Variants in FAT2 observed in about 807,000 individuals in gnomAD.
The protein encoded by FAT2 is protocadherin Fat 2.
FAT2 carries 150 observed loss-of-function variants against 295.3 expected under a neutral mutation model. That is an observed-to-expected ratio of 0.51 (90% CI 0.44 to 0.58). FAT2 has a LOEUF of 0.58. FAT2 is among the 20% of genes least tolerant of loss of function. FAT2 has a pLI of 0.00. For missense variants in FAT2, 4,868 were observed against 5,442.7 expected (o/e 0.89, Z 3.32); for synonymous variants, 2,026 against 2,150.3 (o/e 0.94, Z 1.60).
intron 19 of FAT2, 21 bp downstream of exon 19, chr5:151,521,255 T>C: frequency 6.3e-7 from 1 of 1,578,660 alleles, no homozygotes; most frequent in Non-Finnish European, 8.6e-7. Flanking sequence ...TGCTCGTCCC[T>C]AGGGAAGATG....
chr5:151,517,544 C>T, intron 20 of FAT2, 76 bp downstream of exon 20: 2 of 1,564,830 alleles, frequency 1.3e-6, no homozygotes, highest in Non-Finnish European at 8.7e-7. Context: ...GGCTTCCTGA[C>T]ATTCCTCATG....
chr5:151,520,021 T>C (rs1228717760), intron 19 of FAT2, among the ~76,000 whole-genome samples: 1 of 152,240 alleles, frequency 6.6e-6, no homozygotes, highest in African/African-American at 2.4e-5. Flanking sequence ...CCCTTCAGCC[T>C]TCTTGGCTTT....
chr5:151,539,076 C>G (rs930721356), intron 11 of FAT2, among the ~76,000 whole-genome samples: 1 of 152,024 alleles, frequency 6.6e-6, no homozygotes, highest in African/African-American at 2.4e-5. Context: ...CTCAGCCTCT[C>G]CAAGCATGGG....
In FAT2 at chr5:151,512,110, C is replaced by G; in HGVS notation, c.11905+55G>C. On this transcript the variant is annotated intron_variant, in intron 21 of 23. Coordinates refer to ENST00000261800, the MANE Select transcript of FAT2 (RefSeq NM_001447.3). This position sits in a 1 kb window ranked among gnomAD's most constrained non-coding sequence, Gnocchi z 4.1. ...TCTCCACCCTGACATGCTTTTCCCACCTGAAGAGCCTTCTGGGATAAACCC... is the reference window on the plus strand; with the variant it reads ...TCTCCACCCTGACATGCTTTTCCCAGCTGAAGAGCCTTCTGGGATAAACCC... The G allele has an allele frequency of 2.6e-6, 4 of 1,542,516 alleles. No individual in the cohort carries two copies. Among genetic ancestry groups the G allele is most frequent in the Non-Finnish European group, 3.5e-6 (4 of 1,132,696 alleles).
chr5:151,534,717 C>T, intron 12 of FAT2, 75 bp from the exon 13 acceptor site: 1 of 1,304,470 alleles, frequency 7.7e-7, no homozygotes, highest in Non-Finnish European at 1.1e-6. Flanking sequence ...TATATATCTA[C>T]AGGAGACAAA....
chr5:151,527,299 G>A lies in FAT2; in HGVS notation c.10243C>T (p.Gln3415Ter). 4 of 1,613,592 alleles carry A rather than the reference G, an allele frequency of 2.5e-6. No homozygotes were observed. The highest frequency in any genetic ancestry group is 3.4e-6 in the Non-Finnish European group (4 of 1,179,744). The change falls in exon 17 of 24, where the codon CAA (glutamine) becomes TAA (stop). Residue 3415 changes from glutamine to a stop codon, truncating the protein, a stop_gained. Transcript: ENST00000261800. LOFTEE classifies it high-confidence loss of function. ...PLHEDTDIAI[Q>*]VADVNDNPPR... ...GGGTTATCATTGACATCAGCCACTT[G>A]GATAGCGATGTCTGTGTCCTCATGC... is the stretch of plus-strand genomic sequence containing the variant.
rs1397654420 is a variant in FAT2, at chr5:151,531,664, C to G, written c.9734G>C (p.Arg3245Pro). Residue 3245 changes from arginine (R) to proline (P), a missense_variant, in exon 14 of 24, where the codon CGC becomes CCC. Physicochemically the swap from Arg to Pro is moderately radical, Grantham distance 103. Coordinates refer to ENST00000261800, the MANE Select transcript of FAT2 (RefSeq NM_001447.3). The surrounding 1 kb of genome is among the most constrained non-coding windows in gnomAD (Gnocchi z 5.7). ...GTAGCCGGTCTTCTCTGCGCCCGGG[C>G]GAGTGAGGGTGGCCAGCTGCAGCAC... The part of the protein sequence containing the change: ...TEVLQLATLT[R>P]PGAEKTGYRV... 2 of 1,613,610 alleles carry G rather than the reference C, an allele frequency of 1.2e-6. No homozygotes were observed. The highest frequency in any genetic ancestry group is 4.5e-5 in the East Asian group (2 of 44,874).
Position 151,517,753 on chromosome 5 carries a change from C to T in FAT2, c.11330G>A (p.Arg3777Lys), listed in dbSNP as rs994473013. Residue 3777 changes from arginine to lysine, a missense_variant, in exon 20 of 24, where the codon AGG (arginine) becomes AAG (lysine). Transcript: ENST00000261800. ...CCGCACATAGCTCTGACCACTGAAC[C>T]TTGTAGCAGTACCTGAGAAAGCAAC... ...RSCSCNGTAT[R>K]FSGQSYVRYR... is the part of the protein sequence containing the mutation. 1.3e-5 allele frequency: 21 copies of T among 1,614,054 alleles called. No individual in the cohort carries two copies. The highest frequency in any genetic ancestry group is 1.6e-4 in the Middle Eastern group (1 of 6,084).
At chr5:151,581,700 G>T (rs1758961510) in intron 1 of FAT2, among the ~76,000 whole-genome samples, 1 of 152,192 alleles carries the variant, frequency 6.6e-6, no homozygotes, top group Non-Finnish European at 1.5e-5. Context: ...TAACTCCTGA[G>T]ATCACACAGC....
intron 1 of FAT2, among the ~76,000 whole-genome samples, 44 bp downstream of exon 1, chr5:151,591,121 T>C (rs1216134656): frequency 6.6e-6 from 1 of 152,238 alleles, no homozygotes; most frequent in Non-Finnish European, 1.5e-5. Flanking sequence ...GGATTAACTT[T>C]GCTGCCCCCC....
At position 151,567,426 on chromosome 5, in the gene FAT2, A is replaced by C; in HGVS notation, c.1506T>G (p.Ala502=). 6.2e-7 allele frequency: 1 copy of C among 1,614,214 alleles called. No homozygotes were observed. Among genetic ancestry groups the C allele is most frequent in the South Asian group, 1.1e-5 (1 of 91,074 alleles). ...GGTAGGGGTCAATAGAAAATGGCAA[A>C]GCTTTTGGTCCAGCAATGGAATAGG... ...YVTYSIAGPK[A]LPFSIDPYLG... is the part of the protein sequence containing the mutation. Residue 502 remains alanine, a synonymous_variant, in exon 2 of 24, where the codon GCT becomes GCG. Transcript: ENST00000261800.
At chr5:151,536,667 C>CA (rs1418493820) in intron 12 of FAT2, among the ~76,000 whole-genome samples, 2 of 152,220 alleles carry the variant, frequency 1.3e-5, no homozygotes, top group Admixed American at 1.3e-4. Flanking sequence ...TGGCTAGTAA[C>CA]AATGATAATG....
Position 151,545,665 on chromosome 5 carries a change from G to A in FAT2, c.5462C>T (p.Thr1821Ile), listed in dbSNP as rs771319989. The A allele has an allele frequency of 3.7e-6, 6 of 1,614,182 alleles. No homozygotes were observed. Among genetic ancestry groups the A allele is most frequent in the Non-Finnish European group, 4.2e-6 (5 of 1,180,044 alleles). The change falls in exon 10 of 24, where the codon ACC becomes ATC. Residue 1821 changes from threonine to isoleucine, a missense_variant. Physicochemically the swap from Thr to Ile is moderately conservative, Grantham distance 89 (BLOSUM62 -1). Around this residue, in one of 5 missense-constraint regions of FAT2, gnomAD observed 3,297 missense variants for 3,669.4 expected, o/e 0.90. Transcript: ENST00000261800. ...ATCCATCTCTGATACAATGGTTAGG[G>A]TTCCCATGCTGGGATCAATTTTGAA... ...KFFKIDPSMG[T>I]LTIVSEMDYE...
chr5:151,528,570 G>A (rs1228517425), intron 15 of FAT2, among the ~76,000 whole-genome samples: 3 of 152,160 alleles, frequency 2.0e-5, no homozygotes, highest in East Asian at 3.9e-4. Context: ...GGCAATCCAG[G>A]AGAGGAAATA....
chr5:151,543,885 C>T lies in FAT2; in HGVS notation c.7242G>A (p.Leu2414=), dbSNP rs1332182048. The change falls in exon 10 of 24, where the codon CTG becomes CTA. Residue 2414 remains leucine, a synonymous_variant. Transcript: ENST00000261800. ...GATTGCCAGAAAGAATCAGGTACTC[C>T]AGGCGGGAGGTGTCTCTGCTGTCAG... The part of the protein sequence containing the change: ...IDPDSRDTSR[L]EYLILSGNQD... 1 of 1,614,038 alleles carries T rather than the reference C, an allele frequency of 6.2e-7. No homozygotes were observed. The highest frequency in any genetic ancestry group is 1.3e-5 in the African/African-American group (1 of 74,908).
Position 151,505,898 on chromosome 5 carries a change from G to C in FAT2, c.12717C>G (p.Leu4239=). The C allele has an allele frequency of 6.3e-7, 1 of 1,597,266 alleles. No homozygotes were observed. The highest frequency in any genetic ancestry group is 8.5e-7 in the Non-Finnish European group (1 of 1,173,352). The change falls in exon 24 of 24, where the codon CTC becomes CTG. Residue 4239 remains leucine (L), a synonymous_variant. Coordinates refer to ENST00000261800, the MANE Select transcript of FAT2 (RefSeq NM_001447.3). The part of the protein sequence containing the change: ...PLEMENKRAP[L]PPRYSNQNLE... ...GGTTCTGGTTGCTGTAACGGGGTGG[G>C]AGAGGTGCCCGCTTGTTTTCCATCT... is the stretch of plus-strand genomic sequence containing the variant.
intron 3 of FAT2, among the ~76,000 whole-genome samples, 183 bp downstream of exon 3, chr5:151,563,142 A>G (rs559442954): frequency 3.7e-4 from 57 of 152,222 alleles, no homozygotes; most frequent in Non-Finnish European, 7.4e-4. Flanking sequence ...AATCACCTGC[A>G]TGTCTTGTGA....
In FAT2 at chr5:151,512,969, C is replaced by A. The variant is rs1761437769; in HGVS notation, c.11464-363G>T. ...ATTGGCCTTCAGCGATTTGAAAAAC[C>A]TGTCTCCCACTCCCACTTCCTTATT... On this transcript the variant is annotated intron_variant, in intron 20 of 23. Transcript: ENST00000261800. The surrounding 1 kb of genome is among the most constrained non-coding windows in gnomAD (Gnocchi z 4.1). Among the ~76,000 whole-genome samples the A allele has an allele frequency of 6.6e-6, 1 of 152,232 alleles. No individual in the cohort carries two copies. Among genetic ancestry groups the A allele is most frequent in the East Asian group, 1.9e-4 (1 of 5,198 alleles).
At chr5:151,580,464 GGTT>G (rs994092626) in intron 1 of FAT2, among the ~76,000 whole-genome samples, 2 of 152,186 alleles carry the variant, frequency 1.3e-5, no homozygotes, top group African/African-American at 4.8e-5. Context: ...GCTAATGGGT[GGTT>G]GTTATTACCA....
Sources: allele counts gnomAD v4.1 joint callset (sites outside exome capture counted in the v4.1 genomes callset), GRCh38; gene constraint gnomAD v4.1.1; regional missense constraint gnomAD v4.1.1; non-coding constraint Gnocchi (gnomAD v3.1); transcripts MANE v1.5; gene names NCBI Gene and HGNC (gene_info 2026-07-23, HGNC 2026-07-21).